Variants in GRID2 observed in about 807,000 individuals in gnomAD.
The protein encoded by GRID2 is glutamate receptor ionotropic, delta-2.
GRID2 carries 33 observed loss-of-function variants against 114.8 expected under a neutral mutation model. The ratio of observed to expected loss-of-function variants is 0.29; its 90% confidence interval spans 0.22 to 0.38. The LOEUF (loss-of-function observed/expected upper bound fraction) is 0.38. Ranked by LOEUF, GRID2 falls within the 10% of genes least tolerant of loss-of-function variation. The pLI is 1.00. For synonymous variants in GRID2, 505 were observed against 449.9 expected, an observed-to-expected ratio of 1.12 and a Z score of -1.55; for missense variants, 1,184 against 1,257.7, an observed-to-expected ratio of 0.94 and a Z score of 0.89.
At chr4:93,546,029 T>C (rs1174647132) in intron 13 of GRID2, among the ~76,000 whole-genome samples, 2 of 152,156 alleles carry the variant, frequency 1.3e-5, no homozygotes, top group Non-Finnish European at 1.5e-5. Context: ...TAGAATGAAA[T>C]CACAAATTCT....
intron 1 of GRID2, among the ~76,000 whole-genome samples, chr4:93,799,695 G>A (rs1173743958): frequency 2.0e-5 from 3 of 152,076 alleles, no homozygotes; most frequent in Admixed American, 6.6e-5. Context: ...CAATTAGTAT[G>A]ATTTAGCTAG....
chr4:92,961,844 G>A (rs975321743), intron 2 of GRID2, among the ~76,000 whole-genome samples: 1 of 151,352 alleles, frequency 6.6e-6, no homozygotes, highest in Non-Finnish European at 1.5e-5. Context: ...TGGATATTCT[G>A]TGTTGTTGAT....
chr4:92,477,039 ATGTGTGTGTGTGTGTGTGTGTGTGTGTG>A (rs70940894), intron 1 of GRID2, among the ~76,000 whole-genome samples: 15 of 119,556 alleles, frequency 1.3e-4, no homozygotes, highest in South Asian at 3.2e-4. Context: ...ATTTAACTTC[ATGTGTGTGTGTGTGTGTGTGTGTGTGTG>A]TGTGTGTGTG....
At chr4:93,555,760 G>A (rs1275734497) in intron 13 of GRID2, among the ~76,000 whole-genome samples, 2 of 152,208 alleles carry the variant, frequency 1.3e-5, no homozygotes, top group African/African-American at 2.4e-5. Context: ...GCTCTGCTAA[G>A]GGACAGACTT....
chr4:93,183,437 T>C (rs1740094142), intron 4 of GRID2, among the ~76,000 whole-genome samples: 1 of 152,208 alleles, frequency 6.6e-6, no homozygotes, highest in Non-Finnish European at 1.5e-5. Context: ...TCAATAGATG[T>C]TTCACGTGTG....
intron 2 of GRID2, among the ~76,000 whole-genome samples, chr4:92,905,687 G>A (rs1488479889): frequency 1.4e-5 from 2 of 147,156 alleles, no homozygotes; most frequent in Non-Finnish European, 3.0e-5. Context: ...TACTCATATG[G>A]GGCTAGAAGC....
intron 13 of GRID2, among the ~76,000 whole-genome samples, chr4:93,596,694 G>A (rs1269958832): frequency 2.0e-5 from 3 of 152,220 alleles, no homozygotes; most frequent in Non-Finnish European, 4.4e-5. Flanking sequence ...TTGTGTTGTA[G>A]CATTAACAAT....
At chr4:93,026,028 AT>A (rs1723854307) in intron 2 of GRID2, among the ~76,000 whole-genome samples, 1 of 151,776 alleles carries the variant, frequency 6.6e-6, no homozygotes, top group African/African-American at 2.4e-5. Flanking sequence ...GGGAAAGTTG[AT>A]AATTTTCTAA....
rs1729820701 is a variant in GRID2 at position 92,384,582 on chromosome 4, ATT to A, written c.88+79839_88+79840del. On this transcript the variant is annotated intron_variant, in intron 1 of 15. Coordinates refer to ENST00000282020, the MANE Select transcript of GRID2 (RefSeq NM_001510.4). ...ATATATAATATAATATATAAAATAT[ATT>A]ATATTATATATAACATAATATATAA... Among the ~76,000 whole-genome samples, 13 of 51,184 alleles carry A rather than the reference ATT, an allele frequency of 2.5e-4. 1 individual carries two copies. The highest frequency in any genetic ancestry group is 3.2e-4 in the Non-Finnish European group (9 of 28,016). The allele number at this position is 51,184 out of a possible 152,430, so 33.6% of individuals were successfully genotyped here.
chr4:92,826,324 T>C (rs1281449964), intron 2 of GRID2, among the ~76,000 whole-genome samples: 1 of 152,136 alleles, frequency 6.6e-6, no homozygotes, highest in Non-Finnish European at 1.5e-5. Context: ...GCTCTTTACA[T>C]TAATCTTCCT....
chr4:92,965,054 T>C (rs183397344), intron 2 of GRID2, among the ~76,000 whole-genome samples: 10 of 152,104 alleles, frequency 6.6e-5, no homozygotes, highest in Admixed American at 5.9e-4. Context: ...TAAATTTTGA[T>C]TTAAAGTGAG....
intron 1 of GRID2, among the ~76,000 whole-genome samples, chr4:92,448,131 T>TTATGTATG (rs10551052): frequency 0.027 from 3,945 of 145,460 alleles, 49 homozygotes; most frequent in Non-Finnish European, 0.033. Context: ...GATTTTTATT[T>TTATGTATG]TATGTATGTA....
At chr4:93,256,488 C>T (rs1749605247) in intron 8 of GRID2, among the ~76,000 whole-genome samples, 1 of 151,488 alleles carries the variant, frequency 6.6e-6, no homozygotes, top group African/African-American at 2.4e-5. Flanking sequence ...TATATCAATC[C>T]CCTTTTCCAA....
chr4:92,627,727 CT>C (rs1338337089), intron 2 of GRID2, among the ~76,000 whole-genome samples: 1 of 152,116 alleles, frequency 6.6e-6, no homozygotes, highest in African/African-American at 2.4e-5. Flanking sequence ...AGTATATTTA[CT>C]AAACTGAAAT....
intron 1 of GRID2, among the ~76,000 whole-genome samples, chr4:92,486,106 A>G (rs1303791407): frequency 6.6e-6 from 1 of 151,828 alleles, no homozygotes; most frequent in Non-Finnish European, 1.5e-5. Context: ...GGCCAATTCA[A>G]CATTCCAGCC....
At chr4:92,642,543 A>T (rs980070141) in intron 2 of GRID2, among the ~76,000 whole-genome samples, 2 of 151,870 alleles carry the variant, frequency 1.3e-5, no homozygotes, top group African/African-American at 4.8e-5. Flanking sequence ...CCTTTGTCAG[A>T]TGCATAGTTT....
chr4:92,924,046 A>G (rs545305829), intron 2 of GRID2, among the ~76,000 whole-genome samples: 2 of 152,318 alleles, frequency 1.3e-5, no homozygotes, highest in East Asian at 1.9e-4. Flanking sequence ...TGGCACATAT[A>G]CACCATGGAA....
chr4:92,448,162 T>TGTAC (rs1733569622), intron 1 of GRID2, among the ~76,000 whole-genome samples: 1 of 151,758 alleles, frequency 6.6e-6, no homozygotes, highest in Non-Finnish European at 1.5e-5. Flanking sequence ...TATGTATGTA[T>TGTAC]GTATGTATGT....
chr4:93,613,711 T>G (rs1428369074), intron 13 of GRID2, among the ~76,000 whole-genome samples: 6 of 146,306 alleles, frequency 4.1e-5, no homozygotes, highest in Non-Finnish European at 9.1e-5. Flanking sequence ...ACTGCTCTCT[T>G]CAAAGCTGTC....
Sources: allele counts gnomAD v4.1 joint callset (sites outside exome capture counted in the v4.1 genomes callset), GRCh38; gene constraint gnomAD v4.1.1; transcripts MANE v1.5; gene names NCBI Gene and HGNC (gene_info 2026-07-23, HGNC 2026-07-21).